The following SLC8A1 variants were observed in gnomAD, a reference collection of about 807,000 sequenced individuals.
SLC8A1 encodes solute carrier family 8 member A1, also known as sodium/calcium exchanger 1.
Under a neutral mutation model 68.3 loss-of-function variants are expected in SLC8A1, and 18 were observed. The observed-to-expected ratio is 0.26, with a 90% CI of 0.18 to 0.39. The LOEUF (loss-of-function observed/expected upper bound fraction) is 0.39. SLC8A1 is among the 10% of genes least tolerant of loss of function. SLC8A1 has a pLI of 1.00. For missense variants in SLC8A1, 985 were observed against 1,156.7 expected (o/e 0.85, Z 2.15); for synonymous variants, 475 against 415.5 (o/e 1.14, Z -1.74).
chr2:40,317,799 A>G (rs147138071), intron 2 of SLC8A1, among the ~76,000 whole-genome samples: 1 of 152,140 alleles, frequency 6.6e-6, no homozygotes, highest in Non-Finnish European at 1.5e-5. Context: ...ATGTTTAAAG[A>G]AAACAGTAAA....
At chr2:40,343,721 T>A (rs558875995) in intron 2 of SLC8A1, among the ~76,000 whole-genome samples, 2 of 152,306 alleles carry the variant, frequency 1.3e-5, no homozygotes, top group East Asian at 3.9e-4. Flanking sequence ...AGGAAAAAGA[T>A]GTTCATGACA....
intron 2 of SLC8A1, among the ~76,000 whole-genome samples, chr2:40,240,581 A>G (rs1027589956): frequency 6.6e-6 from 1 of 152,270 alleles, no homozygotes; most frequent in Non-Finnish European, 1.5e-5. Context: ...TTGGACATGA[A>G]TGTGCATTTA....
At chr2:40,296,782 T>C (rs1053486798) in intron 2 of SLC8A1, among the ~76,000 whole-genome samples, 72 of 152,342 alleles carry the variant, frequency 4.7e-4, no homozygotes, top group African/African-American at 1.7e-3. Flanking sequence ...GAAATTGCCA[T>C]GAGCTATCTT....
chr2:40,279,827 C>T (rs953313814), intron 2 of SLC8A1, among the ~76,000 whole-genome samples: 8 of 152,192 alleles, frequency 5.3e-5, no homozygotes, highest in African/African-American at 1.7e-4. Flanking sequence ...GCACAGTTCA[C>T]TAAAAATCTG....
chr2:40,443,194 C>T (rs1258457720), intron 1 of SLC8A1, among the ~76,000 whole-genome samples: 1 of 152,230 alleles, frequency 6.6e-6, no homozygotes, highest in East Asian at 1.9e-4. Flanking sequence ...ATAGGTGCAG[C>T]ATACCACCAT....
chr2:40,382,700 A>T (rs1477845321), intron 2 of SLC8A1, among the ~76,000 whole-genome samples: 1 of 152,096 alleles, frequency 6.6e-6, no homozygotes, highest in Non-Finnish European at 1.5e-5. Context: ...TGGTTTGAGC[A>T]AATAAGAAAA....
chr2:40,267,725 C>T (rs1031775144), intron 2 of SLC8A1, among the ~76,000 whole-genome samples: 3 of 152,116 alleles, frequency 2.0e-5, no homozygotes, highest in African/African-American at 4.8e-5. Context: ...TTTCACTAAC[C>T]GTATTTTTGA....
intron 2 of SLC8A1, among the ~76,000 whole-genome samples, chr2:40,293,097 T>A (rs1309403734): frequency 1.3e-5 from 2 of 152,310 alleles, no homozygotes; most frequent in East Asian, 3.9e-4. Context: ...TGCTGTTTCT[T>A]CTTCCTTGGA....
intron 2 of SLC8A1, among the ~76,000 whole-genome samples, chr2:40,337,825 C>T (rs1292523299): frequency 6.6e-6 from 1 of 152,154 alleles, no homozygotes; most frequent in African/African-American, 2.4e-5. Flanking sequence ...ACAGGATAAA[C>T]ATTACATTCC....
chr2:40,418,395 A>G (rs978124008), intron 2 of SLC8A1, among the ~76,000 whole-genome samples: 5 of 152,168 alleles, frequency 3.3e-5, no homozygotes, highest in Admixed American at 2.6e-4. Flanking sequence ...TTCTTTGCAT[A>G]ATACAACAGC....
chr2:40,268,762 G>GC (rs2149125980), intron 2 of SLC8A1, among the ~76,000 whole-genome samples: 1 of 152,164 alleles, frequency 6.6e-6, no homozygotes, highest in South Asian at 2.1e-4. Context: ...GTGAGTGACA[G>GC]CCCAAGAACT....
At chr2:40,207,414 C>G (rs1480311891) in intron 2 of SLC8A1, among the ~76,000 whole-genome samples, 2 of 151,916 alleles carry the variant, frequency 1.3e-5, no homozygotes, top group African/African-American at 4.8e-5. Flanking sequence ...ATGGTCTTAT[C>G]TATAACTTTC....
intron 1 of SLC8A1, among the ~76,000 whole-genome samples, chr2:40,472,690 C>T (rs1349813872): frequency 6.6e-6 from 1 of 152,114 alleles, no homozygotes; most frequent in Admixed American, 6.5e-5. Context: ...CAACACCTAC[C>T]ATGGCCCATA....
At chr2:40,509,211 T>C (rs537513176) in intron 1 of SLC8A1, among the ~76,000 whole-genome samples, 117 of 152,284 alleles carry the variant, frequency 7.7e-4, no homozygotes, top group African/African-American at 2.6e-3. Flanking sequence ...AGGCAGATCA[T>C]GTCTGATCAG....
intron 7 of SLC8A1, among the ~76,000 whole-genome samples, chr2:40,138,884 T>A (rs1260385962): frequency 6.6e-6 from 1 of 152,198 alleles, no homozygotes; most frequent in Non-Finnish European, 1.5e-5. Flanking sequence ...CAGGATTACT[T>A]TTTTCCTGTC....
At chr2:40,279,180 G>A (rs1006102504) in intron 2 of SLC8A1, among the ~76,000 whole-genome samples, 10 of 152,304 alleles carry the variant, frequency 6.6e-5, no homozygotes, top group Admixed American at 5.9e-4. Context: ...GGAGAATCCA[G>A]GAGCCGATCT....
intron 2 of SLC8A1, among the ~76,000 whole-genome samples, chr2:40,292,819 A>T (rs1002671): frequency 0.24 from 37,171 of 152,086 alleles, 4,689 homozygotes; most frequent in East Asian, 0.38. Context: ...AGGAAAGTTA[A>T]ATTACGCTGC....
At chr2:40,239,582 C>T (rs891206376) in intron 2 of SLC8A1, among the ~76,000 whole-genome samples, 3 of 152,192 alleles carry the variant, frequency 2.0e-5, no homozygotes, top group Admixed American at 6.5e-5. Context: ...CTCCCATGCA[C>T]AGTCACTGTG....
At chr2:40,324,692 C>A (rs1260528137) in intron 2 of SLC8A1, among the ~76,000 whole-genome samples, 1 of 151,978 alleles carries the variant, frequency 6.6e-6, no homozygotes, top group African/African-American at 2.4e-5. Flanking sequence ...TCTTCCCTCC[C>A]TGTCTTTCTC....
Sources: allele counts gnomAD v4.1 joint callset (sites outside exome capture counted in the v4.1 genomes callset), GRCh38; gene constraint gnomAD v4.1.1; transcripts MANE v1.5; gene names NCBI Gene and HGNC (gene_info 2026-07-23, HGNC 2026-07-21).